Variants in OR9Q2 observed in about 807,000 individuals in gnomAD.
OR9Q2 encodes the protein olfactory receptor 9Q2.
In OR9Q2, 2 loss-of-function variants were observed where a neutral mutation model predicts 2.3. That is an observed-to-expected ratio of 0.85 (90% CI 0.35 to 2.68). The LOEUF (loss-of-function observed/expected upper bound fraction) is 2.68. Ranked by LOEUF, OR9Q2 falls within the 30% of genes most tolerant of loss-of-function variation. The pLI, the probability that OR9Q2 is intolerant of heterozygous loss-of-function variation, is 0.10. For synonymous variants in OR9Q2, 178 were observed against 158.6 expected, an observed-to-expected ratio of 1.12 and a Z score of -0.92; for missense variants, 404 against 395.7, an observed-to-expected ratio of 1.02 and a Z score of -0.18.
At chr11:58,189,358 A>G (rs1854736864) in intron 1 of OR9Q2, among the ~76,000 whole-genome samples, 3 of 152,184 alleles carry the variant, frequency 2.0e-5, no homozygotes. Context: ...AGTGTGGGTG[A>G]ACTAGAAGCC....
In OR9Q2 at chr11:58,190,349, G is replaced by A. The variant is rs949967511; in HGVS notation, c.-142G>A. 8.1e-6 allele frequency: 5 copies of A among 614,740 alleles called. No individual in the cohort carries two copies. Among genetic ancestry groups the A allele is most frequent in the Admixed American group, 5.8e-5 (2 of 34,448 alleles). 38.1% of individuals were successfully genotyped at this position (614,740 alleles called of 1,614,324 possible). Reference sequence around the variant, plus strand: ...TCAATATCTGTCTATATCTATCTTCGACTGAAAAGTGTGTTGAAGTTGAGT... The same window carrying A: ...TCAATATCTGTCTATATCTATCTTCAACTGAAAAGTGTGTTGAAGTTGAGT... On this transcript the variant is annotated 5_prime_UTR_variant, in exon 2 of 2. Coordinates refer to ENST00000641291, the MANE Select transcript of OR9Q2 (RefSeq NM_001005283.3).
rs141621341 is a variant in OR9Q2 at position 58,191,141 on chromosome 11, C to T, written c.651C>T (p.Ser217=). 10 of 1,613,988 alleles carry T rather than the reference C, an allele frequency of 6.2e-6. No individual in the cohort carries two copies. In the Admixed American group the frequency reaches 1.3e-4, roughly 22 times the overall value. Residue 217 remains serine, a synonymous_variant, in exon 2 of 2, where the codon TCC becomes TCT. Transcript: ENST00000641291. ...CCTGTATCTTGGTGATCTTGGTATC[C>T]TACCTGTTTATCATTGTGGCCATCC... The part of the protein sequence containing the change: ...MPACILVILV[S]YLFIIVAILQ...
rs893058566 is a variant in OR9Q2 at position 58,193,204 on chromosome 11, G to T, written c.*1769G>T. 1 of 152,188 alleles carries T rather than the reference G, an allele frequency of 6.6e-6. No homozygotes were observed. Among genetic ancestry groups the T allele is most frequent in the Non-Finnish European group, 1.5e-5 (1 of 68,032 alleles). 9.4% of individuals were successfully genotyped at this position (152,188 alleles called of 1,614,324 possible). On this transcript the variant is annotated 3_prime_UTR_variant, in exon 2 of 2. Transcript: ENST00000641291. ...GCTTGTCCAGGCTCCACAGCCTAGT[G>T]AGTAGTGATGGGCAGAGGGACCCAT...
intron 1 of OR9Q2, among the ~76,000 whole-genome samples, chr11:58,189,782 A>C (rs996743347): frequency 3.3e-5 from 5 of 152,098 alleles, no homozygotes; most frequent in African/African-American, 1.2e-4. Flanking sequence ...TGCCCAAAAA[A>C]ACTTATGTTT....
In OR9Q2 at chr11:58,193,209, G is replaced by A. The variant is rs1854780811; in HGVS notation, c.*1774G>A. On this transcript the variant is annotated 3_prime_UTR_variant, in exon 2 of 2. Transcript: ENST00000641291. ...TCCAGGCTCCACAGCCTAGTGAGTAGTGATGGGCAGAGGGACCCATAGCTG... is the reference window on the plus strand; with the variant it reads ...TCCAGGCTCCACAGCCTAGTGAGTAATGATGGGCAGAGGGACCCATAGCTG... 1 of 152,188 alleles carries A rather than the reference G, an allele frequency of 6.6e-6. No individual in the cohort carries two copies. Among genetic ancestry groups the A allele is most frequent in the Non-Finnish European group, 1.5e-5 (1 of 68,038 alleles). 9.4% of individuals were successfully genotyped at this position (152,188 alleles called of 1,614,324 possible). A position where few individuals can be genotyped will look rare whatever the true frequency, so the allele number is the denominator to read the frequency against.
chr11:58,189,260 T>A (rs1354153892), intron 1 of OR9Q2, among the ~76,000 whole-genome samples, 152 bp downstream of exon 1: 1 of 152,180 alleles, frequency 6.6e-6, no homozygotes, highest in Non-Finnish European at 1.5e-5. Flanking sequence ...ATTATGGGGT[T>A]ATCTGCAATT....
In OR9Q2 at chr11:58,191,674, A is replaced by G. The variant is rs1332860289; in HGVS notation, c.*239A>G. ...TAGAAAGTAAGCAACATGAGAGCAA[A>G]TACTTTTTTATCTGAGCTTCATTTC... On this transcript the variant is annotated 3_prime_UTR_variant, in exon 2 of 2. Coordinates refer to ENST00000641291, the MANE Select transcript of OR9Q2 (RefSeq NM_001005283.3). 1.7e-5 allele frequency: 6 copies of G among 360,498 alleles called. No homozygotes were observed. The highest frequency in any genetic ancestry group is 2.5e-5 in the Non-Finnish European group (5 of 199,666). 22.3% of individuals were successfully genotyped at this position (360,498 alleles called of 1,614,324 possible).
Position 58,190,868 on chromosome 11 carries a change from G to A in OR9Q2, c.378G>A (p.Val126=), listed in dbSNP as rs765577255. 5 of 1,614,214 alleles carry A rather than the reference G, an allele frequency of 3.1e-6. No individual in the cohort carries two copies. The East Asian group carries it at 1.1e-4, about 36-fold the overall frequency. The change falls in exon 2 of 2, where the codon GTG becomes GTA. Residue 126 remains valine (V), a synonymous_variant. Coordinates refer to ENST00000641291, the MANE Select transcript of OR9Q2 (RefSeq NM_001005283.3). ...TGGCCTATGACCGCTACACGGCCGT[G>A]TGCCAGCCCCTGCTTTATGTCACCA... ...AIMAYDRYTA[V]CQPLLYVTII...
In OR9Q2 at chr11:58,190,441, TC is replaced by T. The variant is rs1565101260; in HGVS notation, c.-46del. ...AATCATTTGAACTCCTCTTGAGCTG[TC>T]CCCTCATCTGGCTCTTGTCTTAGCC... On this transcript the variant is annotated 5_prime_UTR_variant, in exon 2 of 2. Transcript: ENST00000641291. The T allele has an allele frequency of 7.9e-7, 1 of 1,264,050 alleles. No individual in the cohort carries two copies. Among genetic ancestry groups the T allele is most frequent in the Non-Finnish European group, 1.1e-6 (1 of 874,648 alleles). 78.3% of individuals were successfully genotyped at this position (1,264,050 alleles called of 1,614,324 possible).
At position 58,191,092 on chromosome 11, in the gene OR9Q2, T is replaced by A. The variant is rs371578346; in HGVS notation, c.602T>A (p.Val201Glu). The change falls in exon 2 of 2, where the codon GTG becomes GAG. Residue 201 changes from valine (V) to glutamate (E), a missense_variant. Coordinates refer to ENST00000641291, the MANE Select transcript of OR9Q2 (RefSeq NM_001005283.3). ...DSYTQEVVIIVFALFVMPACI... is the reference protein window; with the variant it reads ...DSYTQEVVIIEFALFVMPACI... ...TACACTCAGGAAGTGGTGATTATTGTGTTTGCTCTTTTCGTCATGCCTGCC... is the reference window on the plus strand; with the variant it reads ...TACACTCAGGAAGTGGTGATTATTGAGTTTGCTCTTTTCGTCATGCCTGCC... 1 of 1,614,202 alleles carries A rather than the reference T, an allele frequency of 6.2e-7. No homozygotes were observed.
At chr11:58,189,506 TCTC>T (rs994684562) in intron 1 of OR9Q2, among the ~76,000 whole-genome samples, 6 of 152,120 alleles carry the variant, frequency 3.9e-5, no homozygotes, top group African/African-American at 1.4e-4. Flanking sequence ...TCTTTGTTAT[TCTC>T]CTCAATGGGT....
Position 58,191,754 on chromosome 11 carries a change from T to C in OR9Q2, c.*319T>C, listed in dbSNP as rs973226015. 5.3e-6 allele frequency: 1 copy of C among 188,596 alleles called. No individual in the cohort carries two copies. The highest frequency in any genetic ancestry group is 2.3e-5 in the African/African-American group (1 of 42,724). 11.7% of individuals were successfully genotyped at this position (188,596 alleles called of 1,614,324 possible). A position where few individuals can be genotyped will look rare whatever the true frequency, so the allele number is the denominator to read the frequency against. ...GCATGTGAAAGGCACTCAATAAATATTTGTTGAGTGAATGAATCTCAGGTT... is the reference window on the plus strand; with the variant it reads ...GCATGTGAAAGGCACTCAATAAATACTTGTTGAGTGAATGAATCTCAGGTT... On this transcript the variant is annotated 3_prime_UTR_variant, in exon 2 of 2. Coordinates refer to ENST00000641291, the MANE Select transcript of OR9Q2 (RefSeq NM_001005283.3).
In OR9Q2 at chr11:58,192,763, T is replaced by C. The variant is rs2120009787; in HGVS notation, c.*1328T>C. ...TATGGCCAAGAGGTTTGGGATCATA[T>C]ATCAGCTCTGGTAGAAATCATTTAA... On this transcript the variant is annotated 3_prime_UTR_variant, in exon 2 of 2. Transcript: ENST00000641291. 1 of 152,344 alleles carries C rather than the reference T, an allele frequency of 6.6e-6. No homozygotes were observed. Among genetic ancestry groups the C allele is most frequent in the African/African-American group, 2.4e-5 (1 of 41,582 alleles). The allele number at this position is 152,344 out of a possible 1,614,324, so 9.4% of individuals were successfully genotyped here.
rs1403801674 is a variant in OR9Q2, at chr11:58,190,505, T to C, written c.15T>C (p.Asn5=). The change falls in exon 2 of 2, where the codon AAT becomes AAC. Residue 5 remains asparagine (N), a synonymous_variant. Coordinates refer to ENST00000641291, the MANE Select transcript of OR9Q2 (RefSeq NM_001005283.3). The stretch of plus-strand genomic sequence containing the variant: ...CCACTGGATGGATGGCTGAAAGGAA[T>C]TACACCGTAGTGACGGAGTTCTTCC... MAER[N]YTVVTEFFLT... The C allele has an allele frequency of 6.2e-7, 1 of 1,612,966 alleles. No individual in the cohort carries two copies. The highest frequency in any genetic ancestry group is 1.3e-5 in the African/African-American group (1 of 74,908).
At chr11:58,190,295 A>T in intron 1 of OR9Q2, 24 bp from the exon 2 acceptor site, 1 of 554,204 alleles carries the variant, frequency 1.8e-6, no homozygotes, top group Non-Finnish European at 3.2e-6. Flanking sequence ...AGAAGCATTC[A>T]TCACTTTTTA....
rs1854765437 is a variant in OR9Q2 at position 58,191,533 on chromosome 11, C to CA, written c.*102dup. The CA allele has an allele frequency of 5.2e-6, 4 of 773,580 alleles. No individual in the cohort carries two copies. The Admixed American group carries it at 8.8e-5, about 17-fold the overall frequency. 47.9% of individuals were successfully genotyped at this position (773,580 alleles called of 1,614,324 possible). A position where few individuals can be genotyped will look rare whatever the true frequency, so the allele number is the denominator to read the frequency against. ...AGAGACTTTCCTAAATAACCCTATG[C>CA]AAAATCGCACCTGAACTTCCCACCT... On this transcript the variant is annotated 3_prime_UTR_variant, in exon 2 of 2. Coordinates refer to ENST00000641291, the MANE Select transcript of OR9Q2 (RefSeq NM_001005283.3).
In OR9Q2 at chr11:58,191,263, T is replaced by C. The variant is rs1263481321; in HGVS notation, c.773T>C (p.Met258Thr). ...CTTTTCTTTGGCACCCTCATCTTCA[T>C]GTACCTGCGAGACAACACAGGCCAG... ...VALFFGTLIF[M>T]YLRDNTGQSS... Residue 258 changes from methionine to threonine, a missense_variant, in exon 2 of 2, where the codon ATG becomes ACG. Transcript: ENST00000641291. The C allele has an allele frequency of 6.2e-7, 1 of 1,614,116 alleles. No individual in the cohort carries two copies. Among genetic ancestry groups the C allele is most frequent in the Admixed American group, 1.7e-5 (1 of 60,018 alleles).
chr11:58,190,443 C>A lies in OR9Q2; in HGVS notation c.-48C>A, dbSNP rs750181302. ...TCATTTGAACTCCTCTTGAGCTGTC[C>A]CCTCATCTGGCTCTTGTCTTAGCCG... On this transcript the variant is annotated 5_prime_UTR_variant, in exon 2 of 2. Transcript: ENST00000641291. The A allele has an allele frequency of 1.5e-6, 2 of 1,295,100 alleles. No individual in the cohort carries two copies. Among genetic ancestry groups the A allele is most frequent in the South Asian group, 1.3e-5 (1 of 79,172 alleles). 80.2% of individuals were successfully genotyped at this position (1,295,100 alleles called of 1,614,324 possible). A position where few individuals can be genotyped will look rare whatever the true frequency, so the allele number is the denominator to read the frequency against.
rs982593954 is a variant in OR9Q2, at chr11:58,193,473, CAAAA to C, written c.*2041_*2044del. On this transcript the variant is annotated 3_prime_UTR_variant, in exon 2 of 2. Transcript: ENST00000641291. ...TTTTTATTGACCCCATTTAGCAAAA[CAAAA>C]AAGAAAATCTAAGACTCAGAGATAT... 1.3e-5 allele frequency: 2 copies of C among 152,020 alleles called. No homozygotes were observed. Among genetic ancestry groups the C allele is most frequent in the African/African-American group, 4.8e-5 (2 of 41,412 alleles). 9.4% of individuals were successfully genotyped at this position (152,020 alleles called of 1,614,324 possible).
Sources: allele counts gnomAD v4.1 joint callset (sites outside exome capture counted in the v4.1 genomes callset), GRCh38; gene constraint gnomAD v4.1.1; transcripts MANE v1.5; gene names NCBI Gene and HGNC (gene_info 2026-07-23, HGNC 2026-07-21).